OR51I2: variants seen among roughly 807,000 people sequenced by gnomAD.
OR51I2 encodes olfactory receptor 51I2.
OR51I2 carries 6 observed loss-of-function variants against 9.3 expected under a neutral mutation model. The ratio of observed to expected loss-of-function variants is 0.64; its 90% CI spans 0.35 to 1.27. The LOEUF (loss-of-function observed/expected upper bound fraction) is 1.27. Among genes scored for constraint, OR51I2 ranks in the 50% most tolerant of loss-of-function variants. OR51I2 has a pLI of 0.03. For synonymous variants in OR51I2, 179 were observed against 143.1 expected (o/e 1.25, Z -1.79); for missense variants, 489 against 396.4 (o/e 1.23, Z -1.98).
At chr11:5,451,969 AAAT>A (rs1002141931) in intron 1 of OR51I2, among the ~76,000 whole-genome samples, 1 of 152,206 alleles carries the variant, frequency 6.6e-6, no homozygotes, top group Non-Finnish European at 1.5e-5. Flanking sequence ...TGGCTGTAAG[AAAT>A]AATATGTGAA....
chr11:5,454,311 CTCA>C lies in OR51I2; in HGVS notation c.825_827del (p.Met276del), dbSNP rs1283553336. On this transcript the variant is annotated inframe_deletion, in exon 2 of 2. Coordinates refer to ENST00000641930, the MANE Select transcript of OR51I2 (RefSeq NM_001004754.3). ...GCATGTCCCATGCTACATACATGTC[CTCA>C]TGTCAAATGTGTACCTATTTGTGCC... is the stretch of plus-strand genomic sequence containing the variant. The C allele has an allele frequency of 1.2e-6, 2 of 1,614,098 alleles. No individual in the cohort carries two copies. Among genetic ancestry groups the C allele is most frequent in the Admixed American group, 3.3e-5 (2 of 60,018 alleles).
At position 5,454,441 on chromosome 11, in the gene OR51I2, C is replaced by A; in HGVS notation, c.*14C>A. The A allele has an allele frequency of 6.3e-7, 1 of 1,585,344 alleles. No homozygotes were observed. Among genetic ancestry groups the A allele is most frequent in the Non-Finnish European group, 8.6e-7 (1 of 1,169,346 alleles). On this transcript the variant is annotated 3_prime_UTR_variant, in exon 2 of 2. Coordinates refer to ENST00000641930, the MANE Select transcript of OR51I2 (RefSeq NM_001004754.3). ...ATCAAAATATGACTTTCACACTTGG[C>A]TTTAGAATCTGTTATTTTGGCCATA...
intron 1 of OR51I2, among the ~76,000 whole-genome samples, chr11:5,449,816 A>G (rs1850817499): frequency 1.3e-5 from 2 of 152,214 alleles, no homozygotes; most frequent in Non-Finnish European, 2.9e-5. Context: ...TTCAGTGATA[A>G]CAAAATACGT....
At chr11:5,451,768 G>A (rs1364318158) in intron 1 of OR51I2, among the ~76,000 whole-genome samples, 1 of 152,180 alleles carries the variant, frequency 6.6e-6, no homozygotes, top group Non-Finnish European at 1.5e-5. Flanking sequence ...AGAGGTTGGA[G>A]AGGAAAGAGA....
Position 5,453,949 on chromosome 11 carries a change from T to G in OR51I2, c.461T>G (p.Ile154Ser). 6.2e-7 allele frequency: 1 copy of G among 1,614,198 alleles called. No individual in the cohort carries two copies. Among genetic ancestry groups the G allele is most frequent in the Non-Finnish European group, 8.5e-7 (1 of 1,180,028 alleles). ...TTAGGTGCAGCTGCTCGAAGCTTCA[T>G]CACCCTTTTCCCTCTTCCCTTTCTT... is the stretch of plus-strand genomic sequence containing the variant. The part of the protein sequence containing the change: ...MGLGAAARSF[I>S]TLFPLPFLIK... The change falls in exon 2 of 2, where the codon ATC becomes AGC. Residue 154 changes from isoleucine to serine, a missense_variant. By Grantham distance (142) the Ile-to-Ser change is moderately radical. Transcript: ENST00000641930.
rs1850922275 is a variant in OR51I2 at position 5,454,482 on chromosome 11, C to T, written c.*55C>T. The T allele has an allele frequency of 3.1e-6, 4 of 1,304,188 alleles. No individual in the cohort carries two copies. Among genetic ancestry groups the T allele is most frequent in the East Asian group, 2.3e-5 (1 of 43,484 alleles). 80.8% of individuals were successfully genotyped at this position (1,304,188 alleles called of 1,614,324 possible). A position where few individuals can be genotyped will look rare whatever the true frequency, so the allele number is the denominator to read the frequency against. ...TTTGGCCATAGGCTCTCATCAGTAG[C>T]ATCGTCATCATCATCATCAAAGTAT... On this transcript the variant is annotated 3_prime_UTR_variant, in exon 2 of 2. Coordinates refer to ENST00000641930, the MANE Select transcript of OR51I2 (RefSeq NM_001004754.3).
Position 5,454,170 on chromosome 11 carries a change from A to T in OR51I2, c.682A>T (p.Thr228Ser). 1 of 1,613,690 alleles carries T rather than the reference A, an allele frequency of 6.2e-7. No homozygotes were observed. Among genetic ancestry groups the T allele is most frequent in the Non-Finnish European group, 8.5e-7 (1 of 1,179,848 alleles). ...GCTCATTCTGCGTTCTGTCATGGCC[A>T]CTGCTTCCCGTGAGGAACGCCTCAA... ...YVLILRSVMA[T>S]ASREERLKAL... Residue 228 changes from threonine to serine, a missense_variant, in exon 2 of 2, where the codon ACT becomes TCT. Coordinates refer to ENST00000641930, the MANE Select transcript of OR51I2 (RefSeq NM_001004754.3).
Position 5,454,208 on chromosome 11 carries a change from ATG to A in OR51I2, c.726_727del (p.Ser243ThrfsTer50), listed in dbSNP as rs1564818698. 6.2e-7 allele frequency: 1 copy of A among 1,614,172 alleles called. No individual in the cohort carries two copies. The highest frequency in any genetic ancestry group is 8.5e-7 in the Non-Finnish European group (1 of 1,180,000). On this transcript the variant is annotated frameshift_variant, in exon 2 of 2. Transcript: ENST00000641930. LOFTEE classifies it high-confidence loss of function. Reference protein sequence around the residue: ...REERLKALNTCVSHILAVLAF... With the variant: ...REERLKALNTXVSHILAVLAF... ...AGGAACGCCTCAAAGCTCTCAACAC[ATG>A]TGTGTCACATATCCTGGCTGTACTT...
In OR51I2 at chr11:5,454,353, CCT is replaced by C. The variant is rs1564818828; in HGVS notation, c.869_870del (p.Leu290HisfsTer3). On this transcript the variant is annotated frameshift_variant, in exon 2 of 2. Transcript: ENST00000641930. LOFTEE classifies it high-confidence loss of function. ...VYLFVPPVLN[P>X]LIYSAKTKEI... ...CCTATTTGTGCCTCCTGTGCTCAACCCTCTCATTTATAGCGCCAAGACAAAGG... is the reference window on the plus strand; with the variant it reads ...CCTATTTGTGCCTCCTGTGCTCAACCCTCATTTATAGCGCCAAGACAAAGG... The C allele has an allele frequency of 1.2e-6, 2 of 1,613,984 alleles. No individual in the cohort carries two copies. The highest frequency in any genetic ancestry group is 3.3e-5 in the Admixed American group (2 of 60,020).
chr11:5,455,690 A>C lies in OR51I2; in HGVS notation c.*1263A>C, dbSNP rs1850946954. 6.6e-6 allele frequency: 1 copy of C among 152,198 alleles called. No individual in the cohort carries two copies. The highest frequency in any genetic ancestry group is 2.4e-5 in the African/African-American group (1 of 41,448). The allele number at this position is 152,198 out of a possible 1,614,324, so 9.4% of individuals were successfully genotyped here. On this transcript the variant is annotated 3_prime_UTR_variant, in exon 2 of 2. Coordinates refer to ENST00000641930, the MANE Select transcript of OR51I2 (RefSeq NM_001004754.3). ...ATGGAAACTCATCCAGAAACCACGT[A>C]GTAGCAAAGCATATTGTTATCTAGA...
intron 1 of OR51I2, among the ~76,000 whole-genome samples, chr11:5,450,939 A>C (rs956080704): frequency 6.6e-6 from 1 of 152,200 alleles, no homozygotes; most frequent in African/African-American, 2.4e-5. Context: ...AAAGTAAAAA[A>C]AAAAGAAAAA....
chr11:5,452,872 G>A (rs757776602), intron 1 of OR51I2, among the ~76,000 whole-genome samples: 1 of 152,162 alleles, frequency 6.6e-6, no homozygotes, highest in Non-Finnish European at 1.5e-5. Flanking sequence ...TATTTCTGTT[G>A]TTGCTTTTTT....
At chr11:5,449,469 A>T (rs1438847489) in intron 1 of OR51I2, 105 bp downstream of exon 1, 1 of 152,472 alleles carries the variant, frequency 6.6e-6, no homozygotes, top group African/African-American at 2.4e-5. Context: ...AGTGGAAGAG[A>T]CTGGTGGAGG....
At chr11:5,450,655 C>A (rs1850831120) in intron 1 of OR51I2, among the ~76,000 whole-genome samples, 1 of 152,148 alleles carries the variant, frequency 6.6e-6, no homozygotes, top group Admixed American at 6.5e-5. Flanking sequence ...CTGCCTTTAA[C>A]CACTCACTTT....
rs1850925278 is a variant in OR51I2 at position 5,454,697 on chromosome 11, T to A, written c.*270T>A. On this transcript the variant is annotated 3_prime_UTR_variant, in exon 2 of 2. Transcript: ENST00000641930. ...AGGAAGACTAATTTAAGCTAGGAAT[T>A]ATTTTCTATAATAATGAATATTACT... 7.5e-6 allele frequency: 2 copies of A among 264,956 alleles called. No individual in the cohort carries two copies. The highest frequency in any genetic ancestry group is 1.4e-5 in the Non-Finnish European group (2 of 140,350). The allele number at this position is 264,956 out of a possible 1,614,324, so 16.4% of individuals were successfully genotyped here. A position where few individuals can be genotyped will look rare whatever the true frequency, so the allele number is the denominator to read the frequency against.
intron 1 of OR51I2, among the ~76,000 whole-genome samples, chr11:5,451,847 G>A (rs1209686762): frequency 1.3e-5 from 2 of 152,180 alleles, no homozygotes; most frequent in Non-Finnish European, 2.9e-5. Context: ...AGCTTGAAAT[G>A]TCTGCTTAGT....
At chr11:5,451,390 T>C (rs1315835733) in intron 1 of OR51I2, among the ~76,000 whole-genome samples, 1 of 152,238 alleles carries the variant, frequency 6.6e-6, no homozygotes, top group Non-Finnish European at 1.5e-5. Flanking sequence ...GATTACTTTC[T>C]ACAAGACTTT....
rs1249208716 is a variant in OR51I2, at chr11:5,454,111, G to C, written c.623G>C (p.Gly208Ala). The C allele has an allele frequency of 6.2e-7, 1 of 1,613,938 alleles. No homozygotes were observed. Among genetic ancestry groups the C allele is most frequent in the Non-Finnish European group, 8.5e-7 (1 of 1,180,028 alleles). Residue 208 changes from glycine (G) to alanine (A), a missense_variant, in exon 2 of 2, where the codon GGC (glycine) becomes GCC (alanine). Transcript: ENST00000641930. ...CTCTTTGTTCTTGTATCCACCTTTGGCATGGACCTGTTTTTTATCTTCCTC... is the reference window on the plus strand; with the variant it reads ...CTCTTTGTTCTTGTATCCACCTTTGCCATGGACCTGTTTTTTATCTTCCTC... ...YGLFVLVSTFGMDLFFIFLSY... is the reference protein window; with the variant it reads ...YGLFVLVSTFAMDLFFIFLSY...
At chr11:5,452,518 A>G (rs1354259923) in intron 1 of OR51I2, among the ~76,000 whole-genome samples, 20 of 37,832 alleles carry the variant, frequency 5.3e-4, no homozygotes, top group African/African-American at 1.9e-3. Flanking sequence ...AAAAAAAAAA[A>G]AAAAAAAAAA....
Sources: gnomAD v4.1 joint callset for allele counts (sites outside exome capture counted in the v4.1 genomes callset) on GRCh38, gnomAD v4.1.1 for gene constraint, MANE v1.5 for transcripts, NCBI Gene and HGNC (gene_info 2026-07-23, HGNC 2026-07-21) for gene names.